Variants in CCDC141 observed in about 807,000 individuals in gnomAD.
CCDC141 encodes the protein coiled-coil domain containing 141, also known as coiled-coil domain-containing protein 141.
Under a neutral mutation model 181.0 loss-of-function variants are expected in CCDC141, and 168 were observed. The ratio of observed to expected loss-of-function variants is 0.93; its 90% CI spans 0.82 to 1.05. The LOEUF (loss-of-function observed/expected upper bound fraction) is 1.05, where lower values mean the gene tolerates loss of function less well. Among genes scored for constraint, CCDC141 ranks in the 50% least tolerant of loss-of-function variants. CCDC141 has a pLI of 0.00. For synonymous variants in CCDC141, 666 were observed against 642.3 expected, an observed-to-expected ratio of 1.04 and a Z score of -0.56; for missense variants, 1,902 against 1,788.5, an observed-to-expected ratio of 1.06 and a Z score of -1.14.
At chr2:178,861,706 T>C (rs1363904890) in intron 17 of CCDC141, among the ~76,000 whole-genome samples, 2 of 151,526 alleles carry the variant, frequency 1.3e-5, no homozygotes, top group African/African-American at 4.9e-5. Flanking sequence ...GGACTGGAAC[T>C]CCTGGGCTCC....
In CCDC141 at chr2:178,989,593, CAAA is replaced by C. The variant is rs1204459331; in HGVS notation, c.226-10921_226-10919del. Among the ~76,000 whole-genome samples, 476 of 76,624 alleles carry C rather than the reference CAAA, an allele frequency of 6.2e-3. 7 individuals carry two copies. Among genetic ancestry groups the C allele is most frequent in the African/African-American group, 0.021 (439 of 20,706 alleles). The allele number at this position is 76,624 out of a possible 152,430, so 50.3% of individuals were successfully genotyped here. On this transcript the variant is annotated intron_variant, in intron 2 of 23. Coordinates refer to ENST00000443758, the MANE Select transcript of CCDC141 (RefSeq NM_173648.4). ...TGGGTGAGAGAGCAAGACCCTGCCT[CAAA>C]AAAAAAAAAAAATAAATAAATAAAT... is the stretch of plus-strand genomic sequence containing the variant.
At chr2:178,857,664 G>T (rs761315146) in intron 17 of CCDC141, among the ~76,000 whole-genome samples, 2 of 152,120 alleles carry the variant, frequency 1.3e-5, no homozygotes, top group Non-Finnish European at 2.9e-5. Context: ...TCACCAAAGA[G>T]AAGTACAGAG....
At chr2:179,028,314 C>A (rs1231738583) in intron 2 of CCDC141, among the ~76,000 whole-genome samples, 2 of 152,202 alleles carry the variant, frequency 1.3e-5, no homozygotes, top group Non-Finnish European at 2.9e-5. Context: ...TCACACTATA[C>A]TTTATAAGTG....
chr2:178,919,787 G>A (rs185067423), intron 6 of CCDC141, among the ~76,000 whole-genome samples: 20 of 152,224 alleles, frequency 1.3e-4, no homozygotes, highest in Non-Finnish European at 2.6e-4. Context: ...GCCATTAAAA[G>A]TAATTACCTT....
intron 6 of CCDC141, among the ~76,000 whole-genome samples, chr2:178,940,711 C>T (rs1332093959): frequency 6.6e-6 from 1 of 152,176 alleles, no homozygotes; most frequent in Non-Finnish European, 1.5e-5. Flanking sequence ...AAAAGACTTA[C>T]TACACAGACA....
chr2:178,880,046 C>T (rs556726252), intron 11 of CCDC141, among the ~76,000 whole-genome samples: 44 of 152,248 alleles, frequency 2.9e-4, no homozygotes, highest in Admixed American at 4.6e-4. Context: ...ATAGATGAGT[C>T]GGAATCAGCA....
intron 5 of CCDC141, among the ~76,000 whole-genome samples, chr2:178,949,120 G>A (rs1689847412): frequency 6.6e-6 from 1 of 152,090 alleles, no homozygotes; most frequent in Admixed American, 6.6e-5. Context: ...GTTGATACAG[G>A]GATGTACCAA....
chr2:178,922,681 G>A (rs1688745274), intron 6 of CCDC141, among the ~76,000 whole-genome samples: 1 of 152,176 alleles, frequency 6.6e-6, no homozygotes, highest in African/African-American at 2.4e-5. Flanking sequence ...AACAAGAAGA[G>A]AAATACCTGT....
chr2:178,957,173 G>A (rs531526122), intron 5 of CCDC141, among the ~76,000 whole-genome samples: 9 of 152,238 alleles, frequency 5.9e-5, no homozygotes, highest in Non-Finnish European at 1.0e-4. Flanking sequence ...GGGCCTGGCC[G>A]AGAAAGCTTT....
chr2:178,909,851 T>C (rs1402148242), intron 7 of CCDC141, among the ~76,000 whole-genome samples: 3 of 152,212 alleles, frequency 2.0e-5, no homozygotes, highest in Non-Finnish European at 4.4e-5. Context: ...TTTGGTCTTT[T>C]TTCCTTCATA....
intron 6 of CCDC141, among the ~76,000 whole-genome samples, chr2:178,925,705 G>A (rs1322321234): frequency 1.3e-5 from 2 of 152,086 alleles, no homozygotes; most frequent in Non-Finnish European, 1.5e-5. Context: ...CCTGGTTGGT[G>A]TTTCCATTTT....
rs2043626056 is a variant in CCDC141, at chr2:179,049,934, C to T, written c.8G>A (p.Ser3Asn). ...AAGCGCAACACTAGGACTTCCTTGG[C>T]TGGACATGGTACTTTAGAACCAGAG... MS[S>N]QGSPSVALST... The change falls in exon 1 of 24, where the codon AGC becomes AAC. Residue 3 changes from serine to asparagine, a missense_variant. Coordinates refer to ENST00000443758, the MANE Select transcript of CCDC141 (RefSeq NM_173648.4). The T allele has an allele frequency of 6.4e-7, 1 of 1,550,544 alleles. No homozygotes were observed. Among genetic ancestry groups the T allele is most frequent in the Non-Finnish European group, 8.7e-7 (1 of 1,146,910 alleles).
chr2:178,907,966 T>C (rs1214242433), intron 7 of CCDC141, among the ~76,000 whole-genome samples: 2 of 150,982 alleles, frequency 1.3e-5, no homozygotes, highest in African/African-American at 2.4e-5. Context: ...AACATTGCAC[T>C]CCAGCCTGGG....
chr2:178,949,000 C>A (rs529818966), intron 5 of CCDC141, among the ~76,000 whole-genome samples: 1 of 152,106 alleles, frequency 6.6e-6, no homozygotes, highest in South Asian at 2.1e-4. Context: ...TGATAGCTTT[C>A]GGGAAAGCAG....
At chr2:178,922,961 C>T (rs1688756766) in intron 6 of CCDC141, among the ~76,000 whole-genome samples, 1 of 152,182 alleles carries the variant, frequency 6.6e-6, no homozygotes, top group Non-Finnish European at 1.5e-5. Flanking sequence ...TTCAGTATTT[C>T]TGTTCAATCT....
intron 7 of CCDC141, among the ~76,000 whole-genome samples, 171 bp downstream of exon 7, chr2:178,918,542 T>C (rs1418484308): frequency 3.9e-5 from 6 of 152,352 alleles, no homozygotes; most frequent in African/African-American, 1.4e-4. Flanking sequence ...GTTTTGAGAA[T>C]CAAATAATGG....
rs1325754326 is a variant in CCDC141 at position 178,832,078 on chromosome 2, T to C, written c.*2095A>G. ...GGGAAGGGAGATCCTGCCAAATTAATAAGAAAGAGAAAGTGGGAAGAGAGA... is the reference window on the plus strand; with the variant it reads ...GGGAAGGGAGATCCTGCCAAATTAACAAGAAAGAGAAAGTGGGAAGAGAGA... On this transcript the variant is annotated 3_prime_UTR_variant, in exon 24 of 24. Transcript: ENST00000443758. 2 of 152,106 alleles carry C rather than the reference T, an allele frequency of 1.3e-5. No homozygotes were observed. Among genetic ancestry groups the C allele is most frequent in the Non-Finnish European group, 2.9e-5 (2 of 68,016 alleles). The allele number at this position is 152,106 out of a possible 1,614,324, so 9.4% of individuals were successfully genotyped here.
chr2:178,823,096 C>T, the CCDC141 span, among the ~76,000 whole-genome samples: 1 of 152,132 alleles, frequency 6.6e-6, no homozygotes, highest in African/African-American at 2.4e-5. Flanking sequence ...GATTACTATC[C>T]TTCCATAAAA....
chr2:178,950,030 A>T (rs1575256260), intron 5 of CCDC141, among the ~76,000 whole-genome samples: 1 of 152,254 alleles, frequency 6.6e-6, no homozygotes, highest in Admixed American at 6.5e-5. Flanking sequence ...GCTAGCAATA[A>T]GCAATTCAAA....
Sources: allele counts gnomAD v4.1 joint callset (sites outside exome capture counted in the v4.1 genomes callset), GRCh38; gene constraint gnomAD v4.1.1; transcripts MANE v1.5; gene names NCBI Gene and HGNC (gene_info 2026-07-23, HGNC 2026-07-21).